SNX24: variants seen among roughly 807,000 people sequenced by gnomAD.
SNX24 encodes the protein sorting nexin-24.
In SNX24, 22 loss-of-function variants were observed where a neutral mutation model predicts 28.7. The ratio of observed to expected loss-of-function variants is 0.77; its 90% CI spans 0.55 to 1.10. The LOEUF (loss-of-function observed/expected upper bound fraction) is 1.10. Ranked by LOEUF, SNX24 falls within the 50% of genes least tolerant of loss-of-function variation. SNX24 has a pLI of 0.00. For synonymous variants in SNX24, 69 were observed against 71.5 expected (o/e 0.96, Z 0.18); for missense variants, 221 against 201.1 (o/e 1.10, Z -0.60).
intron 1 of SNX24, among the ~76,000 whole-genome samples, chr5:122,900,556 C>T (rs1472272402): frequency 6.6e-6 from 1 of 152,018 alleles, no homozygotes; most frequent in East Asian, 1.9e-4. Context: ...CTGCTTAAGG[C>T]TAGGAGTTTG....
At position 123,029,033 on chromosome 5, in the gene SNX24, C is replaced by A; in HGVS notation, n.384-205C>A. ...TGAGAGAAATTTATCATTAGCTGAC[C>A]AAAAAATAAATATGTTATGGAAGTA... On this transcript the variant is annotated intron_variant and non_coding_transcript_variant, in intron 5 of 5. Coordinates refer to the SNX24 transcript ENST00000502387. The A allele has an allele frequency of 9.7e-6, 8 of 824,504 alleles. No individual in the cohort carries two copies. The South Asian group carries it at 1.3e-4, about 14-fold the overall frequency. The allele number at this position is 824,504 out of a possible 1,614,324, so 51.1% of individuals were successfully genotyped here. A position where few individuals can be genotyped will look rare whatever the true frequency, so the allele number is the denominator to read the frequency against.
At chr5:122,992,788 C>G (rs1310826386) in intron 3 of SNX24, among the ~76,000 whole-genome samples, 1 of 152,146 alleles carries the variant, frequency 6.6e-6, no homozygotes, top group Non-Finnish European at 1.5e-5. Flanking sequence ...CATTGTGTCC[C>G]CAGCATAATG....
chr5:122,964,509 T>A (rs1760635061), intron 3 of SNX24, among the ~76,000 whole-genome samples: 1 of 152,100 alleles, frequency 6.6e-6, no homozygotes, highest in African/African-American at 2.4e-5. Context: ...TGCATGTTTA[T>A]AATAATATAT....
intron 1 of SNX24, among the ~76,000 whole-genome samples, chr5:122,876,666 C>T (rs1453930634): frequency 6.6e-6 from 1 of 152,136 alleles, no homozygotes; most frequent in East Asian, 1.9e-4. Context: ...TAGCTCTGCA[C>T]AAAATCACAC....
rs188148916 is a variant in SNX24, at chr5:122,925,030, C to T, written c.61-11704C>T. Among the ~76,000 whole-genome samples the T allele has an allele frequency of 2.8e-5, 4 of 144,642 alleles. No homozygotes were observed. In the South Asian group the frequency reaches 7.1e-4, roughly 26 times the overall value. The allele number at this position is 144,642 out of a possible 152,430, so 94.9% of individuals were successfully genotyped here. ...CGTCTTCCCCTCCCCTTCTCCTTCT[C>T]TCCCCACATTCTCTACCCATCCTCC... On this transcript the variant is annotated intron_variant, in intron 1 of 6. Transcript: ENST00000261369.
intron 3 of SNX24, among the ~76,000 whole-genome samples, chr5:122,990,764 T>A (rs1761810391): frequency 6.6e-6 from 1 of 152,236 alleles, no homozygotes. Context: ...ACTAAATGCC[T>A]TACCATATTA....
At chr5:122,981,689 G>T (rs796420087) in intron 3 of SNX24, among the ~76,000 whole-genome samples, 2 of 142,662 alleles carry the variant, frequency 1.4e-5, no homozygotes, top group Non-Finnish European at 3.2e-5. Flanking sequence ...TTGTTTGTTT[G>T]TTTTTTGAGA....
intron 3 of SNX24, among the ~76,000 whole-genome samples, chr5:122,966,872 A>T (rs2150143546): frequency 6.6e-6 from 1 of 152,284 alleles, no homozygotes; most frequent in African/African-American, 2.4e-5. Flanking sequence ...TTTTCCTCAG[A>T]TCTGGGCTAT....
At chr5:122,853,425 C>T (rs1755030310) in intron 1 of SNX24, among the ~76,000 whole-genome samples, 1 of 152,120 alleles carries the variant, frequency 6.6e-6, no homozygotes, top group Admixed American at 6.5e-5. Flanking sequence ...CCGCGCCCGG[C>T]GGTATGTTCC....
chr5:123,004,475 C>T lies in SNX24; in HGVS notation c.442+2471C>T, dbSNP rs564515442. On this transcript the variant is annotated intron_variant, in intron 6 of 6. Transcript: ENST00000261369. ...TTTCCCACTTCCTTCCACTCTCTAG[C>T]AGCTGACCAGAATGCTGTCATAGAC... is the stretch of plus-strand genomic sequence containing the variant. Among the ~76,000 whole-genome samples the T allele has an allele frequency of 1.2e-4, 18 of 152,340 alleles. No homozygotes were observed. The South Asian group carries it at 2.1e-3, about 18-fold the overall frequency.
At chr5:123,009,392 A>C (rs1762516699), downstream of SNX24, among the ~76,000 whole-genome samples, 1 of 152,222 alleles carries the variant, frequency 6.6e-6, no homozygotes, top group Non-Finnish European at 1.5e-5. Context: ...ATGTTCATTA[A>C]ATATTTGATG....
chr5:122,976,208 A>G (rs1356228715), intron 3 of SNX24, among the ~76,000 whole-genome samples: 1 of 151,020 alleles, frequency 6.6e-6, no homozygotes, highest in Admixed American at 6.6e-5. Flanking sequence ...TTTTTAATAT[A>G]GTGTTTGTCT....
At chr5:122,950,546 G>A (rs1759894569) in intron 3 of SNX24, among the ~76,000 whole-genome samples, 2 of 152,190 alleles carry the variant, frequency 1.3e-5, no homozygotes. Context: ...CCTACTCTTA[G>A]CACATAGCCT....
intron 3 of SNX24, among the ~76,000 whole-genome samples, chr5:122,982,376 T>C (rs1761429506): frequency 1.3e-5 from 2 of 152,258 alleles, no homozygotes; most frequent in Non-Finnish European, 2.9e-5. Flanking sequence ...CTACTTTTTA[T>C]ATTACAGAAT....
At chr5:122,879,201 G>C (rs1456661222) in intron 1 of SNX24, among the ~76,000 whole-genome samples, 1 of 152,068 alleles carries the variant, frequency 6.6e-6, no homozygotes, top group East Asian at 1.9e-4. Context: ...TACTTACAGG[G>C]TATCTCCATT....
intron 5 of SNX24, among the ~76,000 whole-genome samples, chr5:123,015,921 A>T (rs1762671435): frequency 6.6e-6 from 1 of 152,174 alleles, no homozygotes; most frequent in Non-Finnish European, 1.5e-5. Context: ...TCAAGCAAAT[A>T]ACAGGATGAC....
intron 1 of SNX24, among the ~76,000 whole-genome samples, chr5:122,856,581 T>C (rs1255226176): frequency 2.7e-5 from 4 of 148,682 alleles, no homozygotes; most frequent in African/African-American, 9.9e-5. Flanking sequence ...AGTGGTGCCA[T>C]CTCCGCTTAC....
chr5:122,942,246 C>G (rs1413217529), intron 2 of SNX24, among the ~76,000 whole-genome samples: 3 of 152,138 alleles, frequency 2.0e-5, no homozygotes, highest in Non-Finnish European at 4.4e-5. Flanking sequence ...AATTAACTGT[C>G]TTCATTTTTT....
At chr5:122,868,948 G>A (rs113036563) in intron 1 of SNX24, among the ~76,000 whole-genome samples, 5 of 152,098 alleles carry the variant, frequency 3.3e-5, no homozygotes, top group African/African-American at 9.7e-5. Flanking sequence ...CATAAACATC[G>A]TAGTGTTTTT....
Sources: gnomAD v4.1 joint callset for allele counts (sites outside exome capture counted in the v4.1 genomes callset) on GRCh38, gnomAD v4.1.1 for gene constraint, MANE v1.5 for transcripts, NCBI Gene and HGNC (gene_info 2026-07-23, HGNC 2026-07-21) for gene names.